The following RBFOX1 variants were observed in gnomAD, a reference collection of about 807,000 sequenced individuals.
RBFOX1 encodes RNA binding fox-1 homolog 1.
Under a neutral mutation model 57.7 loss-of-function variants are expected in RBFOX1, and 8 were observed. The ratio of observed to expected loss-of-function variants is 0.14; its 90% confidence interval spans 0.08 to 0.25. The LOEUF is 0.25. RBFOX1 is among the 10% of genes least tolerant of loss of function. RBFOX1 has a pLI of 1.00. For synonymous variants in RBFOX1, 326 were observed against 222.4 expected (o/e 1.47, Z -4.15); for missense variants, 611 against 548.5 (o/e 1.11, Z -1.14).
At chr16:7,414,329 G>A (rs1222412341) in intron 4 of RBFOX1, among the ~76,000 whole-genome samples, 1 of 152,200 alleles carries the variant, frequency 6.6e-6, no homozygotes, top group East Asian at 1.9e-4. Flanking sequence ...GTGGTACAAA[G>A]TTGGAGTAAA....
intron 4 of RBFOX1, among the ~76,000 whole-genome samples, chr16:7,485,755 T>A (rs1042433891): frequency 6.6e-6 from 1 of 152,222 alleles, no homozygotes; most frequent in Non-Finnish European, 1.5e-5. Context: ...ATTTCCCAAC[T>A]CTCTCATGTC....
chr16:7,373,109 T>G (rs546432272), intron 4 of RBFOX1, among the ~76,000 whole-genome samples: 1 of 152,000 alleles, frequency 6.6e-6, no homozygotes, highest in Non-Finnish European at 1.5e-5. Flanking sequence ...TTTTTTTGTA[T>G]TTTTTAGTGA....
At chr16:5,253,807 G>C (rs2062516989) in intron 1 of RBFOX1, among the ~76,000 whole-genome samples, 1 of 152,180 alleles carries the variant, frequency 6.6e-6, no homozygotes, top group Non-Finnish European at 1.5e-5. Context: ...CTGCCACAGG[G>C]CCTTTGCACA....
chr16:6,211,553 C>T (rs1030305842), intron 1 of RBFOX1, among the ~76,000 whole-genome samples: 2 of 152,110 alleles, frequency 1.3e-5, no homozygotes, highest in Non-Finnish European at 1.5e-5. Context: ...TGGTCTTCTA[C>T]ATGTGTTAGA....
intron 1 of RBFOX1, among the ~76,000 whole-genome samples, chr16:5,353,472 TA>T (rs1165991743): frequency 6.6e-6 from 1 of 152,142 alleles, no homozygotes; most frequent in African/African-American, 2.4e-5. Context: ...TTGACATTTT[TA>T]AACAGTCCAG....
chr16:5,806,780 A>G (rs2055242806), intron 3 of RBFOX1, among the ~76,000 whole-genome samples: 1 of 152,230 alleles, frequency 6.6e-6, no homozygotes, highest in African/African-American at 2.4e-5. Flanking sequence ...CACAGAGGTG[A>G]CTGCAGGATC....
chr16:5,858,180 C>A (rs116005369), intron 3 of RBFOX1, among the ~76,000 whole-genome samples: 2,757 of 152,158 alleles, frequency 0.018, 75 homozygotes, highest in African/African-American at 0.063. Context: ...TAACCAGGGG[C>A]TCTTTAGAAG....
At chr16:7,175,373 A>G (rs934916977) in intron 4 of RBFOX1, among the ~76,000 whole-genome samples, 17 of 152,162 alleles carry the variant, frequency 1.1e-4, no homozygotes, top group African/African-American at 3.9e-4. Context: ...TTACATTACT[A>G]CCTATAATTT....
intron 14 of RBFOX1, among the ~76,000 whole-genome samples, chr16:7,693,960 A>T (rs2078001532): frequency 6.6e-6 from 1 of 152,154 alleles, no homozygotes; most frequent in African/African-American, 2.4e-5. Flanking sequence ...TGGTTTTGAA[A>T]CCAGGACATT....
intron 3 of RBFOX1, among the ~76,000 whole-genome samples, chr16:5,865,989 C>T (rs147090263): frequency 1.4e-3 from 217 of 152,078 alleles, no homozygotes; most frequent in African/African-American, 4.8e-3. Context: ...TTTTTTAAGA[C>T]GGAGTTTCAT....
At chr16:5,989,944 C>T (rs889882240) in intron 4 of RBFOX1, among the ~76,000 whole-genome samples, 1 of 151,062 alleles carries the variant, frequency 6.6e-6, no homozygotes, top group Non-Finnish European at 1.5e-5. Context: ...CAGAGGAAGC[C>T]AGTGAGATTT....
chr16:5,548,018 G>A (rs2045287642), intron 2 of RBFOX1, among the ~76,000 whole-genome samples: 3 of 151,396 alleles, frequency 2.0e-5, no homozygotes, highest in South Asian at 2.1e-4. Context: ...AAAATTAACC[G>A]GGCGTGGTGG....
intron 4 of RBFOX1, among the ~76,000 whole-genome samples, chr16:7,512,294 C>A (rs1196862888): frequency 6.6e-6 from 1 of 152,114 alleles, no homozygotes; most frequent in African/African-American, 2.4e-5. Flanking sequence ...GAAAAGGTGC[C>A]CTTAATGTCA....
At chr16:5,501,318 CAA>C (rs1160788118) in intron 2 of RBFOX1, among the ~76,000 whole-genome samples, 830 of 64,904 alleles carry the variant, frequency 0.013, 11 homozygotes, top group Middle Eastern at 0.1. Flanking sequence ...ACTCTGTCTA[CAA>C]AAAAAAAAAA....
chr16:7,426,038 A>G (rs1055333559), intron 4 of RBFOX1, among the ~76,000 whole-genome samples: 3 of 152,148 alleles, frequency 2.0e-5, no homozygotes, highest in African/African-American at 7.2e-5. Context: ...GTCGGGAGAG[A>G]CCCACTGAGG....
At chr16:5,523,491 C>A (rs113871548) in intron 2 of RBFOX1, among the ~76,000 whole-genome samples, 6,680 of 152,124 alleles carry the variant, frequency 0.044, 503 homozygotes, top group African/African-American at 0.15. Context: ...TGGTGAGTGT[C>A]TGTGGTCCCA....
At position 6,645,714 on chromosome 16, in the gene RBFOX1, G is replaced by T. The variant is rs144369857; in HGVS notation, c.-63-8889G>T. Reference sequence around the variant, plus strand: ...TTCTCAATGCTTCAATCAGAACCAGGTTTCACAAAGCCTGTTGGAAGATGT... The same window carrying T: ...TTCTCAATGCTTCAATCAGAACCAGTTTTCACAAAGCCTGTTGGAAGATGT... On this transcript the variant is annotated intron_variant, in intron 2 of 15. Transcript: ENST00000550418. 2.6e-3 allele frequency among the ~76,000 whole-genome samples: 403 copies of T among 152,204 alleles called. 2 individuals carry two copies. The highest frequency in any genetic ancestry group is 8.8e-3 in the African/African-American group (367 of 41,522).
intron 1 of RBFOX1, among the ~76,000 whole-genome samples, chr16:5,445,834 A>G (rs2068223716): frequency 6.6e-6 from 1 of 152,240 alleles, no homozygotes; most frequent in Non-Finnish European, 1.5e-5. Context: ...CTTTTAAACA[A>G]GCGAAGAAGT....
chr16:5,835,450 A>T (rs1259256744), intron 3 of RBFOX1, among the ~76,000 whole-genome samples: 1 of 152,208 alleles, frequency 6.6e-6, no homozygotes, highest in Admixed American at 6.5e-5. Flanking sequence ...GGGGGTTTTG[A>T]GTATATCAGT....
Sources: allele counts gnomAD v4.1 joint callset (sites outside exome capture counted in the v4.1 genomes callset), GRCh38; gene constraint gnomAD v4.1.1; transcripts MANE v1.5; gene names NCBI Gene and HGNC (gene_info 2026-07-23, HGNC 2026-07-21).